MMD2: variants seen among roughly 807,000 people sequenced by gnomAD.
MMD2 encodes the protein monocyte to macrophage differentiation associated 2.
MMD2 carries 30 observed loss-of-function variants against 33.5 expected under a neutral mutation model. The ratio of observed to expected loss-of-function variants is 0.90; its 90% CI spans 0.67 to 1.22. The LOEUF is 1.22. Among genes scored for constraint, MMD2 ranks in the 50% most tolerant of loss-of-function variants. The pLI, the probability that MMD2 is intolerant of heterozygous loss-of-function variation, is 0.00. For synonymous variants in MMD2, 129 were observed against 123.0 expected, an observed-to-expected ratio of 1.05 and a Z score of -0.32; for missense variants, 364 against 325.4, an observed-to-expected ratio of 1.12 and a Z score of -0.91.
At chr7:4,904,298 G>A (rs368914535), downstream of MMD2, among the ~76,000 whole-genome samples, 46 of 152,292 alleles carry the variant, frequency 3.0e-4, 1 homozygote, top group African/African-American at 9.1e-4. Flanking sequence ...CTTGCCCACC[G>A]GAGAGAATGG....
At chr7:4,903,929 C>G (rs1056380413), downstream of MMD2, among the ~76,000 whole-genome samples, 1 of 152,096 alleles carries the variant, frequency 6.6e-6, no homozygotes, top group Non-Finnish European at 1.5e-5. Context: ...CCGGTGCATG[C>G]CCTCCCCACC....
At chr7:4,919,200 C>A (rs1019015998) in intron 3 of MMD2, among the ~76,000 whole-genome samples, 7 of 152,162 alleles carry the variant, frequency 4.6e-5, no homozygotes, top group Admixed American at 3.9e-4. Context: ...ATGCCTGGAA[C>A]GAAGCCCAGA....
chr7:4,911,474 T>C (rs1193807313), intron 4 of MMD2, among the ~76,000 whole-genome samples: 1 of 152,152 alleles, frequency 6.6e-6, no homozygotes, highest in Non-Finnish European at 1.5e-5. Context: ...ATTGATAATA[T>C]CTAGAAGAAA....
At chr7:4,948,456 G>C (rs1786152025) in intron 1 of MMD2, among the ~76,000 whole-genome samples, 1 of 152,006 alleles carries the variant, frequency 6.6e-6, no homozygotes, top group Non-Finnish European at 1.5e-5. Context: ...CTGGGAGGCA[G>C]AGGTTGCAGT....
At chr7:4,908,742 C>T (rs919284396) in intron 6 of MMD2, among the ~76,000 whole-genome samples, 1 of 151,332 alleles carries the variant, frequency 6.6e-6, no homozygotes. Context: ...ACTAAAAATA[C>T]AATAATTAGC....
downstream of MMD2, among the ~76,000 whole-genome samples, chr7:4,901,815 C>G (rs995682460): frequency 2.0e-5 from 3 of 152,264 alleles, no homozygotes; most frequent in Non-Finnish European, 2.9e-5. Context: ...TGGCTTGTAG[C>G]ATTTGCGACG....
At chr7:4,936,648 C>T (rs1785749009) in intron 1 of MMD2, among the ~76,000 whole-genome samples, 1 of 152,088 alleles carries the variant, frequency 6.6e-6, no homozygotes, top group Non-Finnish European at 1.5e-5. Flanking sequence ...CTGCCTCAGC[C>T]TCCCAAAGAG....
intron 1 of MMD2, among the ~76,000 whole-genome samples, chr7:4,929,481 G>A (rs74302759): frequency 0.21 from 32,461 of 151,628 alleles, 4,884 homozygotes; most frequent in African/African-American, 0.42. Context: ...GCTGCCTGTG[G>A]CCAAGACTGG....
intron 1 of MMD2, among the ~76,000 whole-genome samples, chr7:4,930,477 TA>T (rs1285184909): frequency 4.7e-5 from 7 of 149,146 alleles, no homozygotes; most frequent in Admixed American, 1.3e-4. Flanking sequence ...CCATCTCTAC[TA>T]AAAAAAAATA....
chr7:4,914,889 C>A (rs1785102185), intron 4 of MMD2, among the ~76,000 whole-genome samples: 1 of 152,000 alleles, frequency 6.6e-6, no homozygotes, highest in Non-Finnish European at 1.5e-5. Context: ...CGAGATCATG[C>A]CACTGCACTC....
At position 4,916,063 on chromosome 7, in the gene MMD2, G is replaced by T. The variant is rs759684688; in HGVS notation, c.307C>A (p.Leu103Ile). The change falls in exon 4 of 7, where the codon CTA (leucine) becomes ATA (isoleucine). Residue 103 changes from leucine (L) to isoleucine (I), a missense_variant. Leu to Ile is a conservative substitution (Grantham distance 5). Transcript: ENST00000401401. ...KSHLRMVEHC[L>I]HMFDRMVIYF... ...ATGACCATCCGGTCGAACATGTGTA[G>T]ACAGTGTTCCACCATCCTAGGGCGG... 8 of 1,613,668 alleles carry T rather than the reference G, an allele frequency of 5.0e-6. No homozygotes were observed. Among genetic ancestry groups the T allele is most frequent in the African/African-American group, 1.3e-5 (1 of 74,918 alleles).
rs1786095815 is a variant in MMD2 at position 4,946,677 on chromosome 7, A to G, written c.47+12294T>C. 6.6e-6 allele frequency among the ~76,000 whole-genome samples: 1 copy of G among 152,160 alleles called. No homozygotes were observed. Among genetic ancestry groups the G allele is most frequent in the Non-Finnish European group, 1.5e-5 (1 of 68,022 alleles). On this transcript the variant is annotated intron_variant, in intron 1 of 6. Transcript: ENST00000401401. This position sits in a 1 kb window ranked among gnomAD's most constrained non-coding sequence, Gnocchi z 5.0. The stretch of plus-strand genomic sequence containing the variant: ...TAGCACCACGGGTGGCAGGTCTACC[A>G]GATATCTCCCAGTAAGATGAAGTAC...
At chr7:4,915,968 C>T (rs1485641183) in intron 4 of MMD2, 37 bp downstream of exon 4, 2 of 1,597,398 alleles carry the variant, frequency 1.3e-6, no homozygotes, top group Non-Finnish European at 1.7e-6. Context: ...AAAAGAAAGG[C>T]CGCCAAGGGT....
At chr7:4,949,852 T>G (rs1392784692) in intron 1 of MMD2, among the ~76,000 whole-genome samples, 1 of 151,972 alleles carries the variant, frequency 6.6e-6, no homozygotes, top group African/African-American at 2.4e-5. Context: ...TTTATAAGAG[T>G]AGCGTGAACA....
chr7:4,941,498 C>T (rs1785908136), intron 1 of MMD2, among the ~76,000 whole-genome samples: 1 of 151,872 alleles, frequency 6.6e-6, no homozygotes, highest in Admixed American at 6.6e-5. Context: ...GGCGTGGTGG[C>T]GGGTGCCTGT....
At chr7:4,925,376 G>A in intron 2 of MMD2, 75 bp downstream of exon 2, 2 of 1,218,070 alleles carry the variant, frequency 1.6e-6, no homozygotes, top group African/African-American at 1.5e-5. Flanking sequence ...CATACGTGAA[G>A]GAGGTGACTT....
At chr7:4,935,134 C>T (rs1471348790) in intron 1 of MMD2, among the ~76,000 whole-genome samples, 2 of 151,914 alleles carry the variant, frequency 1.3e-5, no homozygotes, top group South Asian at 2.1e-4. Flanking sequence ...TGCACGGAGC[C>T]GAGATCGCGC....
intron 2 of MMD2, among the ~76,000 whole-genome samples, chr7:4,923,699 T>C (rs1785344668): frequency 6.6e-6 from 1 of 152,094 alleles, no homozygotes; most frequent in Non-Finnish European, 1.5e-5. Context: ...CTCAGTTTCC[T>C]CCCTTGCAAA....
chr7:4,944,328 C>T (rs964601718), intron 1 of MMD2, among the ~76,000 whole-genome samples: 1 of 152,002 alleles, frequency 6.6e-6, no homozygotes, highest in African/African-American at 2.4e-5. Flanking sequence ...TCCCCTGGCC[C>T]CAGGGAAACT....
Sources: gnomAD v4.1 joint callset for allele counts (sites outside exome capture counted in the v4.1 genomes callset) on GRCh38, gnomAD v4.1.1 for gene constraint, Gnocchi (gnomAD v3.1) non-coding constraint, MANE v1.5 for transcripts, NCBI Gene and HGNC (gene_info 2026-07-23, HGNC 2026-07-21) for gene names.